RPH3A: variants seen among roughly 807,000 people sequenced by gnomAD.
The protein encoded by RPH3A is rabphilin-3A.
In RPH3A, 48 loss-of-function variants were observed where a neutral mutation model predicts 102.2. The observed-to-expected ratio is 0.47, with a 90% confidence interval of 0.37 to 0.60. The LOEUF is 0.60. Among genes scored for constraint, RPH3A ranks in the 20% least tolerant of loss-of-function variants. RPH3A has a pLI of 0.00. For missense variants in RPH3A, 781 were observed against 910.1 expected (o/e 0.86, Z 1.83); for synonymous variants, 310 against 324.3 (o/e 0.96, Z 0.47).
intron 1 of RPH3A, among the ~76,000 whole-genome samples, chr12:112,732,929 A>C (rs1340085604): frequency 6.6e-6 from 1 of 152,130 alleles, no homozygotes; most frequent in Non-Finnish European, 1.5e-5. Context: ...GGACTTTGGG[A>C]ATGTTTTTCT....
chr12:112,619,052 G>T (rs969363924), intron 1 of RPH3A, among the ~76,000 whole-genome samples: 3 of 152,114 alleles, frequency 2.0e-5, no homozygotes, highest in Non-Finnish European at 2.9e-5. Flanking sequence ...TTTTCAGTTT[G>T]AATAACGTTT....
chr12:112,659,854 G>A (rs2107110), intron 1 of RPH3A, among the ~76,000 whole-genome samples: 47,977 of 151,952 alleles, frequency 0.32, 10,099 homozygotes, highest in East Asian at 0.68. Context: ...ATCATTCTTC[G>A]GGTGCCCCTT....
chr12:112,734,587 G>C (rs577177756), intron 1 of RPH3A, among the ~76,000 whole-genome samples: 1 of 152,312 alleles, frequency 6.6e-6, no homozygotes, highest in East Asian at 1.9e-4. Flanking sequence ...AGTAAAGAAT[G>C]GCTACTCCAT....
In RPH3A at chr12:112,858,786, C is replaced by T. The variant is rs913284760; in HGVS notation, c.231-6628C>T. ...CCACTGGGATGGCAAGGCCAGACCA[C>T]GTTGGGAACCTGCTTCTCACCACCT... is the stretch of plus-strand genomic sequence containing the variant. On this transcript the variant is annotated intron_variant, in intron 5 of 21. Coordinates refer to ENST00000389385, the MANE Select transcript of RPH3A (RefSeq NM_001143854.2). Among the ~76,000 whole-genome samples the T allele has an allele frequency of 9.8e-5, 15 of 152,292 alleles. 1 individual carries two copies. The South Asian group carries it at 2.7e-3, about 27-fold the overall frequency.
intron 1 of RPH3A, among the ~76,000 whole-genome samples, chr12:112,586,166 C>T (rs2039437581): frequency 6.6e-6 from 1 of 152,106 alleles, no homozygotes; most frequent in African/African-American, 2.4e-5. Context: ...CCCATTCTAC[C>T]CTGTGCTGTG....
chr12:112,642,339 G>A (rs1027037082), intron 1 of RPH3A, among the ~76,000 whole-genome samples: 1 of 152,100 alleles, frequency 6.6e-6, no homozygotes, highest in African/African-American at 2.4e-5. Context: ...ATTGTGCAAA[G>A]TCATACATTA....
chr12:112,844,061 T>C (rs2042191306), intron 4 of RPH3A, among the ~76,000 whole-genome samples: 1 of 152,032 alleles, frequency 6.6e-6, no homozygotes, highest in Non-Finnish European at 1.5e-5. Context: ...CAAGCAAGGA[T>C]GGAAGGATAT....
In RPH3A at chr12:112,725,850, CGGTG is replaced by C. The variant is rs2040585375; in HGVS notation, c.-139-66292_-139-66289del. 1.3e-5 allele frequency among the ~76,000 whole-genome samples: 2 copies of C among 151,264 alleles called. 1 individual carries two copies. The highest frequency in any genetic ancestry group is 4.9e-5 in the African/African-American group (2 of 41,222). The stretch of plus-strand genomic sequence containing the variant: ...TTGCTCTGTTGCCCAGGCTGGAGTG[CGGTG>C]ATGCGATCTCGGCTCACTGCAACCT... On this transcript the variant is annotated intron_variant, in intron 1 of 21. Coordinates refer to the RPH3A transcript ENST00000543106.
intron 18 of RPH3A, among the ~76,000 whole-genome samples, chr12:112,890,493 T>G (rs561416187): frequency 2.6e-5 from 4 of 152,284 alleles, no homozygotes; most frequent in African/African-American, 7.2e-5. Flanking sequence ...ACTGGTTGTG[T>G]TAAGGGAGTC....
At chr12:112,743,404 CA>C (rs1404576334) in intron 1 of RPH3A, among the ~76,000 whole-genome samples, 1 of 152,202 alleles carries the variant, frequency 6.6e-6, no homozygotes, top group African/African-American at 2.4e-5. Context: ...TGTTTCCCAT[CA>C]GAGAGATGCA....
At chr12:112,826,809 TA>T in intron 2 of RPH3A, among the ~76,000 whole-genome samples, 1 of 152,350 alleles carries the variant, frequency 6.6e-6, no homozygotes, top group Middle Eastern at 3.4e-3. Flanking sequence ...ACTGTACAAA[TA>T]AACCACAATG....
chr12:112,802,637 C>T (rs142557812), intron 2 of RPH3A, among the ~76,000 whole-genome samples: 130 of 151,992 alleles, frequency 8.6e-4, no homozygotes, highest in African/African-American at 2.8e-3. Flanking sequence ...TGTGTGAGTG[C>T]ACATGTGTGT....
At chr12:112,837,895 T>TTTCCTCCCTCCCTTCCTCCCTCCC in intron 4 of RPH3A, 1 of 370,288 alleles carries the variant, frequency 2.7e-6, no homozygotes, top group South Asian at 1.7e-5. Flanking sequence ...CCCTCCCTCC[T>TTTCCTCCCTCCCTTCCTCCCTCCC]TTCCTCCCTC....
intron 1 of RPH3A, among the ~76,000 whole-genome samples, chr12:112,672,364 T>C (rs2040138952): frequency 6.6e-6 from 1 of 152,156 alleles, no homozygotes; most frequent in African/African-American, 2.4e-5. Context: ...TGATCACATC[T>C]AAAACAAATG....
chr12:112,872,294 A>G (rs1342510785), intron 10 of RPH3A, among the ~76,000 whole-genome samples: 1 of 152,130 alleles, frequency 6.6e-6, no homozygotes, highest in Admixed American at 6.6e-5. Flanking sequence ...GCATTTCCCT[A>G]TGATTAGTGA....
At chr12:112,883,007 C>G (rs1341888647) in intron 15 of RPH3A, among the ~76,000 whole-genome samples, 2 of 152,136 alleles carry the variant, frequency 1.3e-5, no homozygotes, top group African/African-American at 4.8e-5. Context: ...TAAATGATTT[C>G]TTCTCAAAGG....
chr12:112,648,911 C>G (rs1212531500), intron 1 of RPH3A, among the ~76,000 whole-genome samples: 3 of 152,066 alleles, frequency 2.0e-5, no homozygotes, highest in Admixed American at 2.0e-4. Flanking sequence ...CTCCATCTCC[C>G]GGGTTCAAAC....
At chr12:112,717,032 C>T (rs930950028) in intron 1 of RPH3A, among the ~76,000 whole-genome samples, 1 of 152,104 alleles carries the variant, frequency 6.6e-6, no homozygotes, top group African/African-American at 2.4e-5. Context: ...TTGTGTTCTT[C>T]GTCCCATTTA....
At chr12:112,796,737 G>A (rs758681343) in intron 2 of RPH3A, among the ~76,000 whole-genome samples, 2 of 152,202 alleles carry the variant, frequency 1.3e-5, no homozygotes, top group Non-Finnish European at 2.9e-5. Context: ...GATGGGCATT[G>A]GGAATAAAAT....
Sources: allele counts gnomAD v4.1 joint callset (sites outside exome capture counted in the v4.1 genomes callset), GRCh38; gene constraint gnomAD v4.1.1; transcripts MANE v1.5; gene names NCBI Gene and HGNC (gene_info 2026-07-23, HGNC 2026-07-21).